TMEM217: variants seen among roughly 807,000 people sequenced by gnomAD.
TMEM217 encodes transmembrane protein 217.
For synonymous variants in TMEM217, 76 were observed against 88.3 expected (o/e 0.86, Z 0.78); for missense variants, 204 against 248.8 (o/e 0.82, Z 1.21).
chr6:37,241,229 G>A (rs1289097170), intron 1 of TMEM217, among the ~76,000 whole-genome samples: 2 of 151,106 alleles, frequency 1.3e-5, no homozygotes, highest in South Asian at 2.1e-4. Context: ...CTACAGCTGC[G>A]TGACACCATA....
chr6:37,213,214 G>A (rs181531241), downstream of TMEM217, among the ~76,000 whole-genome samples: 28 of 152,342 alleles, frequency 1.8e-4, 1 homozygote, highest in Admixed American at 1.8e-3. Flanking sequence ...CACTGGCCTG[G>A]GACTTCCTAA....
downstream of TMEM217, chr6:37,215,112 C>A: frequency 6.4e-7 from 1 of 1,564,944 alleles, no homozygotes; most frequent in Non-Finnish European, 8.7e-7. Flanking sequence ...CGGCACCTCT[C>A]TCTTGGGTCA....
At chr6:37,215,966 T>C (rs1763178712), downstream of TMEM217, among the ~76,000 whole-genome samples, 1 of 152,072 alleles carries the variant, frequency 6.6e-6, no homozygotes, top group Non-Finnish European at 1.5e-5. Flanking sequence ...TGGATGTTTC[T>C]CTGAAAGGCA....
At chr6:37,221,781 A>T (rs1763537246) in intron 1 of TMEM217, among the ~76,000 whole-genome samples, 1 of 152,158 alleles carries the variant, frequency 6.6e-6, no homozygotes, top group Non-Finnish European at 1.5e-5. Flanking sequence ...GTGAAGGGTA[A>T]ACAAGATGAA....
At chr6:37,231,250 T>TTA in intron 1 of TMEM217, among the ~76,000 whole-genome samples, 1 of 82,170 alleles carries the variant, frequency 1.2e-5, no homozygotes, top group East Asian at 3.7e-4. Flanking sequence ...TTTTTTTTTT[T>TTA]GTAGAAACGG....
At chr6:37,225,965 GAAAT>G (rs1315121136) in intron 1 of TMEM217, among the ~76,000 whole-genome samples, 1 of 152,196 alleles carries the variant, frequency 6.6e-6, no homozygotes, top group Non-Finnish European at 1.5e-5. Flanking sequence ...ACTTGAGAGA[GAAAT>G]AAACTCCTAT....
At chr6:37,240,111 T>G (rs1489917014) in intron 1 of TMEM217, among the ~76,000 whole-genome samples, 1 of 152,180 alleles carries the variant, frequency 6.6e-6, no homozygotes, top group Non-Finnish European at 1.5e-5. Context: ...TATGTGTGAC[T>G]GTTTTGCCCT....
At chr6:37,256,691 T>G (rs1161338845) in intron 1 of TMEM217, among the ~76,000 whole-genome samples, 3 of 145,868 alleles carry the variant, frequency 2.1e-5, no homozygotes, top group Non-Finnish European at 1.5e-5. Flanking sequence ...AGGGGTCAGG[T>G]CTTTAAGTAT....
At chr6:37,255,097 G>A (rs1262371254) in intron 1 of TMEM217, among the ~76,000 whole-genome samples, 1 of 152,170 alleles carries the variant, frequency 6.6e-6, no homozygotes, top group East Asian at 1.9e-4. Context: ...GTTCCTAACA[G>A]GCAACAGACA....
At chr6:37,254,829 C>A (rs1765626568) in intron 1 of TMEM217, among the ~76,000 whole-genome samples, 1 of 152,086 alleles carries the variant, frequency 6.6e-6, no homozygotes. Context: ...CACCTGGGAC[C>A]AGTTTCAGGG....
chr6:37,257,013 T>C (rs1765785957), intron 1 of TMEM217, among the ~76,000 whole-genome samples: 2 of 152,192 alleles, frequency 1.3e-5, no homozygotes, highest in African/African-American at 4.8e-5. Flanking sequence ...AGGATGTTGG[T>C]GGGGCCGGGA....
intron 1 of TMEM217, among the ~76,000 whole-genome samples, chr6:37,241,885 T>A (rs1397097864): frequency 6.6e-6 from 1 of 152,192 alleles, no homozygotes; most frequent in Non-Finnish European, 1.5e-5. Flanking sequence ...ACCGTGTAAA[T>A]TTGCACTGTA....
At chr6:37,241,235 C>T (rs1206726583) in intron 1 of TMEM217, among the ~76,000 whole-genome samples, 1 of 151,618 alleles carries the variant, frequency 6.6e-6, no homozygotes, top group Non-Finnish European at 1.5e-5. Flanking sequence ...CTGCGTGACA[C>T]CATACCTGGT....
At chr6:37,232,288 G>GCTC (rs1764244475) in intron 1 of TMEM217, among the ~76,000 whole-genome samples, 1 of 152,150 alleles carries the variant, frequency 6.6e-6, no homozygotes, top group Non-Finnish European at 1.5e-5. Flanking sequence ...CTATCACAAG[G>GCTC]CTCCTGCCCA....
exon 2 of TMEM217, chr6:37,218,359 C>T (rs911634358): frequency 2.3e-5 from 30 of 1,313,352 alleles, no homozygotes; most frequent in African/African-American, 3.0e-5. Flanking sequence ...TTAGTAGAGA[C>T]GGGGTTTTGC....
At chr6:37,242,346 G>A (rs1288956271) in intron 1 of TMEM217, among the ~76,000 whole-genome samples, 3 of 152,180 alleles carry the variant, frequency 2.0e-5, no homozygotes, top group Non-Finnish European at 4.4e-5. Context: ...TCCACATGCT[G>A]TAGAAAGCTG....
At chr6:37,233,539 C>CATT (rs1026206774) in intron 1 of TMEM217, among the ~76,000 whole-genome samples, 5 of 152,208 alleles carry the variant, frequency 3.3e-5, no homozygotes, top group Non-Finnish European at 7.3e-5. Flanking sequence ...TTTACGAGGG[C>CATT]ATTAATCTCA....
At position 37,218,612 on chromosome 6, in the gene TMEM217, C is replaced by G. The variant is rs376098302; in HGVS notation, c.419G>C (p.Cys140Ser). 59 of 1,614,066 alleles carry G rather than the reference C, an allele frequency of 3.7e-5. No homozygotes were observed. Among genetic ancestry groups the G allele is most frequent in the Non-Finnish European group, 4.6e-5 (54 of 1,180,046 alleles). The change falls in exon 2 of 2, where the codon TGT becomes TCT. Residue 140 changes from cysteine to serine, a missense_variant. Transcript: ENST00000357219. ...GTTGATGACAAAGAACATCCAGAAACAGTGCATGACTGTACGAGACACCAA... is the reference window on the plus strand; with the variant it reads ...GTTGATGACAAAGAACATCCAGAAAGAGTGCATGACTGTACGAGACACCAA...
At chr6:37,241,577 C>A (rs1314624980) in intron 1 of TMEM217, among the ~76,000 whole-genome samples, 1 of 152,140 alleles carries the variant, frequency 6.6e-6, no homozygotes, top group Non-Finnish European at 1.5e-5. Context: ...GCTGTCAGCA[C>A]CCCCAGTGAT....
Sources: gnomAD v4.1 joint callset for allele counts (sites outside exome capture counted in the v4.1 genomes callset) on GRCh38, gnomAD v4.1.1 for gene constraint, MANE v1.5 for transcripts, NCBI Gene and HGNC (gene_info 2026-07-23, HGNC 2026-07-21) for gene names.